DACH2: variants seen among roughly 807,000 people sequenced by gnomAD.
The protein encoded by DACH2 is dachshund family transcription factor 2.
A neutral mutation model predicts 35.8 loss-of-function variants in DACH2; 17 were observed. The ratio of observed to expected loss-of-function variants is 0.48; its 90% CI spans 0.33 to 0.71. DACH2 has a LOEUF of 0.71. Ranked by LOEUF, DACH2 falls within the 30% of genes least tolerant of loss-of-function variation. The pLI is 0.02. For missense variants in DACH2, 469 were observed against 472.7 expected (o/e 0.99, Z 0.07); for synonymous variants, 195 against 177.3 (o/e 1.10, Z -0.79).
chrX:86,556,129 A>G (rs2039114854), intron 3 of DACH2, among the ~76,000 whole-genome samples: 1 of 111,400 alleles, frequency 9.0e-6, no homozygotes, highest in Non-Finnish European at 1.9e-5. Flanking sequence ...ATTCATTTTA[A>G]TAACAGAACT....
At chrX:86,730,902 C>T (rs2041525826) in intron 6 of DACH2, among the ~76,000 whole-genome samples, 1 of 111,201 alleles carries the variant, frequency 9.0e-6, no homozygotes, top group African/African-American at 3.3e-5. Context: ...TTATTTTTCA[C>T]ATTCCTAAAA....
intron 2 of DACH2, among the ~76,000 whole-genome samples, chrX:86,482,731 A>C (rs2037956384): frequency 9.2e-6 from 1 of 109,175 alleles, no homozygotes; most frequent in Admixed American, 9.9e-5. Flanking sequence ...TTGCCATTCT[A>C]ACTGGTGTGA....
chrX:86,466,793 A>G (rs2037677475), intron 2 of DACH2, among the ~76,000 whole-genome samples: 1 of 111,393 alleles, frequency 9.0e-6, no homozygotes, highest in South Asian at 3.8e-4. Context: ...ACCACATGGA[A>G]GCTGCCAAGC....
chrX:86,557,082 G>A (rs759299771), intron 3 of DACH2, among the ~76,000 whole-genome samples: 157 of 109,367 alleles, frequency 1.4e-3, no homozygotes, highest in African/African-American at 4.8e-3. Context: ...CTGAGGGCAG[G>A]AAAGGATGGA....
chrX:86,729,929 T>A (rs1394774909), intron 6 of DACH2, among the ~76,000 whole-genome samples: 1 of 111,171 alleles, frequency 9.0e-6, no homozygotes, highest in Non-Finnish European at 1.9e-5. Flanking sequence ...CATTTTTTTT[T>A]ATAAATTACC....
intron 7 of DACH2, among the ~76,000 whole-genome samples, chrX:86,772,650 G>A (rs1029998193): frequency 2.7e-5 from 3 of 111,409 alleles, no homozygotes; most frequent in African/African-American, 9.8e-5. Flanking sequence ...GGAAGAGTGA[G>A]AAACATAAAG....
chrX:86,602,891 C>A (rs1423495439), intron 3 of DACH2, among the ~76,000 whole-genome samples: 1 of 111,248 alleles, frequency 9.0e-6, no homozygotes, highest in Middle Eastern at 4.7e-3. Flanking sequence ...GAAATCTTTG[C>A]CTAATCCAAG....
intron 3 of DACH2, among the ~76,000 whole-genome samples, chrX:86,649,939 A>AAATC (rs1198622054): frequency 9.0e-6 from 1 of 111,101 alleles, no homozygotes; most frequent in Non-Finnish European, 1.9e-5. Context: ...TAATCCTTCA[A>AAATC]AATCTACCAG....
chrX:86,345,540 A>C lies in DACH2; in HGVS notation c.489-31284A>C, dbSNP rs1267774594. The C allele has an allele frequency of 1.6e-5, 3 of 193,185 alleles. No homozygotes were observed. The Admixed American group carries it at 2.1e-4, about 14-fold the overall frequency. The allele number at this position is 193,185 out of a possible 1,213,427, so 15.9% of individuals were successfully genotyped here. ...CAAAAATGAAAGAAAAGATCAATGA[A>C]GTACAGAAAAAGAAATGAAACATAT... On this transcript the variant is annotated intron_variant, in intron 1 of 11. Coordinates refer to ENST00000373125, the MANE Select transcript of DACH2 (RefSeq NM_053281.3).
At chrX:86,783,130 G>A (rs2042104895) in intron 7 of DACH2, among the ~76,000 whole-genome samples, 1 of 111,846 alleles carries the variant, frequency 8.9e-6, no homozygotes, top group Non-Finnish European at 1.9e-5. Context: ...TTTCTCAAAA[G>A]AAGACATGCA....
rs190317552 is a variant in DACH2 at position 86,315,039 on chromosome X, C to T, written c.489-61785C>T. Among the ~76,000 whole-genome samples the T allele has an allele frequency of 2.1e-3, 236 of 112,389 alleles. 1 individual carries two copies. The highest frequency in any genetic ancestry group is 6.7e-3 in the African/African-American group (208 of 30,981). Reference sequence around the variant, plus strand: ...GTCTCATAGGGGAAAAACATGCTGTCTAGAACTTTGTAGCTGGAGAGAAGT... The same window carrying T: ...GTCTCATAGGGGAAAAACATGCTGTTTAGAACTTTGTAGCTGGAGAGAAGT... On this transcript the variant is annotated intron_variant, in intron 1 of 11. Coordinates refer to ENST00000373125, the MANE Select transcript of DACH2 (RefSeq NM_053281.3).
At chrX:86,222,255 G>A (rs1029609863) in intron 1 of DACH2, among the ~76,000 whole-genome samples, 1 of 112,174 alleles carries the variant, frequency 8.9e-6, no homozygotes, top group Non-Finnish European at 1.9e-5. Flanking sequence ...TCAAATATTA[G>A]CAGGATGGGC....
chrX:86,676,866 G>A (rs999750870), intron 4 of DACH2, among the ~76,000 whole-genome samples: 3 of 111,074 alleles, frequency 2.7e-5, no homozygotes, highest in Non-Finnish European at 5.7e-5. Flanking sequence ...TTTTCATAGA[G>A]TGGGCAAAGG....
intron 6 of DACH2, among the ~76,000 whole-genome samples, chrX:86,717,066 A>G (rs931743185): frequency 8.9e-6 from 1 of 112,330 alleles, no homozygotes; most frequent in South Asian, 3.7e-4. Context: ...AGAGAGATAT[A>G]TTTAATTAAA....
At chrX:86,662,313 A>C (rs2040613500) in intron 4 of DACH2, among the ~76,000 whole-genome samples, 1 of 111,684 alleles carries the variant, frequency 9.0e-6, no homozygotes, top group Non-Finnish European at 1.9e-5. Context: ...TTTACTTCAA[A>C]AGGTGGGAGG....
intron 7 of DACH2, among the ~76,000 whole-genome samples, chrX:86,745,704 T>C (rs1292225056): frequency 1.8e-5 from 2 of 111,212 alleles, no homozygotes; most frequent in Admixed American, 1.9e-4. Context: ...GCAATGAACA[T>C]ACACATGCAT....
intron 1 of DACH2, among the ~76,000 whole-genome samples, chrX:86,164,754 C>T (rs1204538380): frequency 9.1e-6 from 1 of 110,181 alleles, no homozygotes; most frequent in African/African-American, 3.3e-5. Context: ...AGGTGTGAGG[C>T]CTTATTTTTG....
intron 3 of DACH2, among the ~76,000 whole-genome samples, chrX:86,583,662 A>G (rs2039532033): frequency 9.2e-6 from 1 of 109,230 alleles, no homozygotes; most frequent in African/African-American, 3.3e-5. Flanking sequence ...TCAATTGATA[A>G]GACCATACGG....
At chrX:86,667,506 AAAG>A (rs2040696266) in intron 4 of DACH2, among the ~76,000 whole-genome samples, 1 of 43,955 alleles carries the variant, frequency 2.3e-5, no homozygotes, top group Non-Finnish European at 3.9e-5. Flanking sequence ...AAAGAGAAAG[AAAG>A]AAAGAAAGAA....
Sources: gnomAD v4.1 joint callset for allele counts (sites outside exome capture counted in the v4.1 genomes callset) on GRCh38, gnomAD v4.1.1 for gene constraint, MANE v1.5 for transcripts, NCBI Gene and HGNC (gene_info 2026-07-23, HGNC 2026-07-21) for gene names.